CIC: variants seen among roughly 807,000 people sequenced by gnomAD.
CIC encodes protein capicua homolog.
CIC carries 18 observed loss-of-function variants against 115.7 expected under a neutral mutation model. That is an observed-to-expected ratio of 0.16 (90% CI 0.11 to 0.23). The LOEUF is 0.23. CIC is among the 10% of genes least tolerant of loss of function. CIC has a pLI of 1.00. For synonymous variants in CIC, 1,076 were observed against 923.0 expected, an observed-to-expected ratio of 1.17 and a Z score of -3.01; for missense variants, 2,000 against 2,159.3, an observed-to-expected ratio of 0.93 and a Z score of 1.46.
At chr19:42,268,929 C>T (rs1026241432), upstream of CIC, among the ~76,000 whole-genome samples, 2 of 152,206 alleles carry the variant, frequency 1.3e-5, no homozygotes, top group Admixed American at 6.5e-5. Context: ...TGCATGGCGA[C>T]TGGGTACTGT....
rs2037905929 is a variant in CIC, at chr19:42,289,377, G to C, written c.4058G>C (p.Cys1353Ser). The C allele has an allele frequency of 3.1e-6, 5 of 1,605,152 alleles. No homozygotes were observed. The highest frequency in any genetic ancestry group is 4.3e-6 in the Non-Finnish European group (5 of 1,175,682). ...AGTGATGAGGAGCGCATGGTCATCT[G>C]TGAGGAGGAAGGGGATGATGATGTC... is the stretch of plus-strand genomic sequence containing the variant. ...MTSDEERMVI[C>S]EEEGDDDVIA... is the part of the protein sequence containing the mutation. Residue 1353 changes from cysteine to serine, a missense_variant, in exon 9 of 21, where the codon TGT becomes TCT. Coordinates refer to ENST00000681038, the MANE Select transcript of CIC (RefSeq NM_001386298.1).
In CIC at chr19:42,293,211, C is replaced by T. The variant is rs372540973; in HGVS notation, c.6452C>T (p.Thr2151Met). The T allele has an allele frequency of 2.2e-5, 35 of 1,596,504 alleles. No individual in the cohort carries two copies. The highest frequency in any genetic ancestry group is 1.0e-4 in the South Asian group (9 of 88,740). Residue 2151 changes from threonine (T) to methionine (M), a missense_variant, in exon 16 of 21, where the codon ACG becomes ATG. This residue lies in a region of CIC where 1,466 missense variants were observed against 1,390.4 expected (regional missense o/e 1.05). Coordinates refer to ENST00000681038, the MANE Select transcript of CIC (RefSeq NM_001386298.1). ...PPPLPETWTP[T>M]ARSSPPLPPP... ...CCCCTGCCAGAGACCTGGACTCCCA[C>T]GGCCCGGAGCAGCCCCCCACTGCCC...
rs760803693 is a variant in CIC at position 42,291,399 on chromosome 19, G to T, written c.5358G>T (p.Leu1786=). Residue 1786 remains leucine (L), a synonymous_variant, in exon 11 of 21, where the codon CTG becomes CTT. Coordinates refer to ENST00000681038, the MANE Select transcript of CIC (RefSeq NM_001386298.1). ...PPGTSTNGKV[L]AATAPTPGIP... Reference sequence around the variant, plus strand: ...GCACTTCCACCAACGGCAAAGTCCTGGCTGCCACTGCACCCACTCCTGGCA... The same window carrying T: ...GCACTTCCACCAACGGCAAAGTCCTTGCTGCCACTGCACCCACTCCTGGCA... 6.2e-7 allele frequency: 1 copy of T among 1,612,430 alleles called. No individual in the cohort carries two copies. Among genetic ancestry groups the T allele is most frequent in the Non-Finnish European group, 8.5e-7 (1 of 1,179,748 alleles).
In CIC at chr19:42,291,396, C is replaced by G. The variant is rs2147273432; in HGVS notation, c.5355C>G (p.Val1785=). 6.2e-7 allele frequency: 1 copy of G among 1,612,560 alleles called. No homozygotes were observed. The highest frequency in any genetic ancestry group is 1.1e-5 in the South Asian group (1 of 91,010). ...CGGGCACTTCCACCAACGGCAAAGT[C>G]CTGGCTGCCACTGCACCCACTCCTG... ...LPPGTSTNGK[V]LAATAPTPGI... Residue 1785 remains valine, a synonymous_variant, in exon 11 of 21, where the codon GTC becomes GTG. Coordinates refer to ENST00000681038, the MANE Select transcript of CIC (RefSeq NM_001386298.1).
chr19:42,286,316 G>GA (rs2037636320), intron 2 of CIC, among the ~76,000 whole-genome samples: 1 of 152,100 alleles, frequency 6.6e-6, no homozygotes, highest in Non-Finnish European at 1.5e-5. Flanking sequence ...TCAGGAAAGG[G>GA]AAAGAGAGCA....
Position 42,272,009 on chromosome 19 carries a change from C to T in CIC, c.226C>T (p.Pro76Ser), listed in dbSNP as rs1282025666. The T allele has an allele frequency of 1.0e-5, 4 of 399,046 alleles. No homozygotes were observed. Among genetic ancestry groups the T allele is most frequent in the Non-Finnish European group, 1.8e-5 (4 of 226,316 alleles). The allele number at this position is 399,046 out of a possible 1,614,324, so 24.7% of individuals were successfully genotyped here. A position where few individuals can be genotyped will look rare whatever the true frequency, so the allele number is the denominator to read the frequency against. The stretch of plus-strand genomic sequence containing the variant: ...TGAGCGGGGCCCTGGGGCTGAAGGT[C>T]CTCCACTGGAGCTGCACCCTGGCGA... ...EAERGPGAEGPPLELHPGDPA... is the reference protein window; with the variant it reads ...EAERGPGAEGSPLELHPGDPA... Residue 76 changes from proline (P) to serine (S), a missense_variant, in exon 2 of 21, where the codon CCT becomes TCT. Pro to Ser is a moderately conservative substitution (Grantham distance 74). Transcript: ENST00000681038.
chr19:42,276,818 C>T (rs1213906949), intron 2 of CIC, among the ~76,000 whole-genome samples: 5 of 152,130 alleles, frequency 3.3e-5, no homozygotes. Flanking sequence ...CATGTGGCCA[C>T]TCCTGCTGTG....
In CIC at chr19:42,287,786, G is replaced by A. The variant is rs2147204467; in HGVS notation, c.3493-24G>A. The stretch of plus-strand genomic sequence containing the variant: ...CTTCTGGTGGGGTGGGTGAGTGAAG[G>A]GTTGCCCTGCCCTCTCCTGCCAGGT... On this transcript the variant is annotated intron_variant, in intron 6 of 20. Coordinates refer to ENST00000681038, the MANE Select transcript of CIC (RefSeq NM_001386298.1). This position sits in a 1 kb window ranked among gnomAD's most constrained non-coding sequence, Gnocchi z 8.7. 6.2e-7 allele frequency: 1 copy of A among 1,614,086 alleles called. No individual in the cohort carries two copies. Among genetic ancestry groups the A allele is most frequent in the East Asian group, 2.2e-5 (1 of 44,882 alleles).
At chr19:42,282,415 G>A (rs76539936) in intron 2 of CIC, among the ~76,000 whole-genome samples, 6,176 of 152,288 alleles carry the variant, frequency 0.041, 411 homozygotes, top group African/African-American at 0.14. Flanking sequence ...ACGTGCCCAA[G>A]TGTGTGACCC....
At chr19:42,281,320 C>T (rs1334707179) in intron 2 of CIC, among the ~76,000 whole-genome samples, 1 of 152,228 alleles carries the variant, frequency 6.6e-6, no homozygotes, top group Non-Finnish European at 1.5e-5. Flanking sequence ...CTGCCTGTCC[C>T]TCGGTCTGTC....
chr19:42,294,435 G>A, intron 19 of CIC, 131 bp downstream of exon 19: 1 of 1,547,160 alleles, frequency 6.5e-7, no homozygotes, highest in Non-Finnish European at 8.8e-7. Context: ...TGTCAGTGGT[G>A]GGTTCTGGAG....
At chr19:42,286,733 C>T (rs983474145) in intron 2 of CIC, 38 bp from the exon 3 acceptor site, 1 of 1,613,332 alleles carries the variant, frequency 6.2e-7, no homozygotes, top group African/African-American at 1.3e-5. Flanking sequence ...TGGGGCCAGG[C>T]TCTCCTGCTG....
intron 2 of CIC, chr19:42,284,536 AC>A (rs955346765): frequency 7.2e-6 from 1 of 138,446 alleles, no homozygotes; most frequent in African/African-American, 4.0e-5. Flanking sequence ...CCCGGCAGAG[AC>A]CCCCGCGTGG....
At position 42,289,279 on chromosome 19, in the gene CIC, G is replaced by A. The variant is rs780429365; in HGVS notation, c.3960G>A (p.Ala1320=). Residue 1320 remains alanine, a synonymous_variant, in exon 9 of 21, where the codon GCG becomes GCA. Coordinates refer to ENST00000681038, the MANE Select transcript of CIC (RefSeq NM_001386298.1). ...FAAPGEGGAL[A]ATGRPPLLPT... ...CCCCTGGTGAGGGAGGTGCCTTGGC[G>A]GCCACTGGGCGGCCCCCGCTGCTGC... is the stretch of plus-strand genomic sequence containing the variant. 11 of 1,613,712 alleles carry A rather than the reference G, an allele frequency of 6.8e-6. 1 individual carries two copies. The highest frequency in any genetic ancestry group is 3.4e-4 in the Middle Eastern group (2 of 5,930).
rs74324478 is a variant in CIC, at chr19:42,277,665, C to T, written c.2794+3088C>T. On this transcript the variant is annotated intron_variant, in intron 2 of 20. Transcript: ENST00000681038. ...GTGTGCCTAACCCCGGGCTTGGGGC[C>T]GTTTCATCAGCTCCGCCTGATGCTG... Among the ~76,000 whole-genome samples, 266 of 152,342 alleles carry T rather than the reference C, an allele frequency of 1.7e-3. 3 individuals are homozygous for T. The highest frequency in any genetic ancestry group is 6.2e-3 in the African/African-American group (257 of 41,580).
chr19:42,272,728 G>A lies in CIC; in HGVS notation c.945G>A (p.Pro315=), dbSNP rs561486949. Residue 315 remains proline, a synonymous_variant, in exon 2 of 21, where the codon CCG becomes CCA. Transcript: ENST00000681038. ...SSQPGLPGSL[P]QPPQPLHREP... is the part of the protein sequence containing the mutation. ...AGCCAGGCCTACCAGGCAGCCTCCC[G>A]CAGCCCCCACAGCCACTGCACCGTG... 2.6e-4 allele frequency: 102 copies of A among 398,862 alleles called. No homozygotes were observed. The highest frequency in any genetic ancestry group is 1.8e-3 in the African/African-American group (89 of 48,708). 24.7% of individuals were successfully genotyped at this position (398,862 alleles called of 1,614,324 possible). A position where few individuals can be genotyped will look rare whatever the true frequency, so the allele number is the denominator to read the frequency against.
In CIC at chr19:42,292,204, C is replaced by G. The variant is rs755604379; in HGVS notation, c.5732C>G (p.Thr1911Ser). 1 of 1,614,016 alleles carries G rather than the reference C, an allele frequency of 6.2e-7. No homozygotes were observed. Among genetic ancestry groups the G allele is most frequent in the South Asian group, 1.1e-5 (1 of 91,090 alleles). ...QPQKVLLPSS[T>S]RITYVQSAGG... ...CAGAAGGTCCTGTTGCCCTCCTCCA[C>G]CAGGTAATTGCAGCTGAGCCCATAC... is the stretch of plus-strand genomic sequence containing the variant. Residue 1911 changes from threonine (T) to serine (S), a missense_variant, in exon 13 of 21, where the codon ACC (threonine) becomes AGC (serine). Transcript: ENST00000681038.
At chr19:42,284,782 C>A (rs1387746532) in intron 2 of CIC, 5 of 1,548,782 alleles carry the variant, frequency 3.2e-6, no homozygotes, top group Non-Finnish European at 4.3e-6. Context: ...GTCAGTAGCG[C>A]CTGGGCCCTG....
At chr19:42,271,669 T>C (rs1033247046) in intron 1 of CIC, 105 bp from the exon 2 acceptor site, 8 of 397,514 alleles carry the variant, frequency 2.0e-5, no homozygotes, top group Non-Finnish European at 3.5e-5. Flanking sequence ...TTGGGGATGG[T>C]GGGATGGAGA....
Sources: gnomAD v4.1 joint callset for allele counts (sites outside exome capture counted in the v4.1 genomes callset) on GRCh38, gnomAD v4.1.1 for gene constraint, gnomAD v4.1.1 regional missense constraint, Gnocchi (gnomAD v3.1) non-coding constraint, MANE v1.5 for transcripts, NCBI Gene and HGNC (gene_info 2026-07-23, HGNC 2026-07-21) for gene names.